Variants in BICD1 observed in about 807,000 individuals in gnomAD.
BICD1 encodes the protein protein bicaudal D homolog 1.
Under a neutral mutation model 92.5 loss-of-function variants are expected in BICD1, and 35 were observed. The observed-to-expected ratio is 0.38, with a 90% CI of 0.29 to 0.50. The LOEUF is 0.50. BICD1 is among the 20% of genes least tolerant of loss of function. The pLI is 0.93. For missense variants in BICD1, 950 were observed against 1,189.8 expected, an observed-to-expected ratio of 0.80 and a Z score of 2.97; for synonymous variants, 429 against 465.1, an observed-to-expected ratio of 0.92 and a Z score of 1.00.
At chr12:32,182,886 CTTTCTTTTTT>C (rs1289840578) in intron 1 of BICD1, among the ~76,000 whole-genome samples, 1 of 80,418 alleles carries the variant, frequency 1.2e-5, no homozygotes, top group African/African-American at 4.9e-5. Context: ...TCTTTTCTTT[CTTTCTTTTTT>C]TTTTTTTTTT....
chr12:32,198,384 C>A (rs1219695352), intron 1 of BICD1, among the ~76,000 whole-genome samples: 1 of 124,306 alleles, frequency 8.0e-6, no homozygotes, highest in African/African-American at 3.0e-5. Flanking sequence ...TAATGAAGAA[C>A]CTGAAAGTCC....
At chr12:32,146,110 T>C (rs1943093273) in intron 1 of BICD1, among the ~76,000 whole-genome samples, 2 of 152,214 alleles carry the variant, frequency 1.3e-5, no homozygotes, top group South Asian at 4.1e-4. Context: ...CAGAACCCAA[T>C]TATTCTTCCC....
intron 2 of BICD1, among the ~76,000 whole-genome samples, chr12:32,270,025 G>A (rs1471644750): frequency 1.3e-5 from 2 of 151,522 alleles, no homozygotes; most frequent in Non-Finnish European, 2.9e-5. Flanking sequence ...GGGAGGCCGA[G>A]GCAGGAGAAT....
chr12:32,349,849 C>T (rs184490805), intron 8 of BICD1, among the ~76,000 whole-genome samples: 142 of 152,148 alleles, frequency 9.3e-4, no homozygotes, highest in Non-Finnish European at 1.7e-3. Flanking sequence ...TGACAACGTG[C>T]CAACACTTTG....
intron 1 of BICD1, among the ~76,000 whole-genome samples, chr12:32,191,939 C>A (rs1381530988): frequency 6.6e-6 from 1 of 151,862 alleles, no homozygotes; most frequent in Admixed American, 6.6e-5. Context: ...CAATTAATAA[C>A]CCTATAATGG....
chr12:32,214,832 C>G (rs753071300), intron 1 of BICD1, among the ~76,000 whole-genome samples: 1 of 151,928 alleles, frequency 6.6e-6, no homozygotes, highest in Non-Finnish European at 1.5e-5. Context: ...TCTTTTGTTA[C>G]TGTTCGTGTT....
Position 32,378,599 on chromosome 12 carries a change from C to G in BICD1, c.*972C>G, listed in dbSNP as rs537974193. ...TCCCAAAATCAGGGTCCTACTGAGT[C>G]TTTCCTGATAAAAGGTATCAAGTAC... On this transcript the variant is annotated 3_prime_UTR_variant, in exon 10 of 10. Transcript: ENST00000652176. The G allele has an allele frequency of 1.8e-4, 27 of 152,216 alleles. 1 individual carries two copies. The East Asian group carries it at 5.2e-3, about 29-fold the overall frequency. The allele number at this position is 152,216 out of a possible 1,614,324, so 9.4% of individuals were successfully genotyped here. A position where few individuals can be genotyped will look rare whatever the true frequency, so the allele number is the denominator to read the frequency against.
chr12:32,279,332 A>G (rs1019783022), intron 2 of BICD1, among the ~76,000 whole-genome samples: 2 of 152,234 alleles, frequency 1.3e-5, no homozygotes, highest in Non-Finnish European at 1.5e-5. Context: ...TGACAATATT[A>G]AAAATCATTC....
intron 1 of BICD1, among the ~76,000 whole-genome samples, chr12:32,208,805 T>C (rs1945132889): frequency 6.6e-6 from 1 of 152,072 alleles, no homozygotes; most frequent in Non-Finnish European, 1.5e-5. Flanking sequence ...TCATTTGGGC[T>C]CAGTGTTTTC....
At chr12:32,177,652 A>G (rs970186620) in intron 1 of BICD1, among the ~76,000 whole-genome samples, 1 of 143,254 alleles carries the variant, frequency 7.0e-6, no homozygotes, top group African/African-American at 2.7e-5. Flanking sequence ...TTGAGTTTAC[A>G]AAAAAAGGAA....
intron 3 of BICD1, among the ~76,000 whole-genome samples, chr12:32,304,964 G>A (rs1327714184): frequency 1.3e-5 from 2 of 152,220 alleles, no homozygotes; most frequent in South Asian, 2.1e-4. Flanking sequence ...TGAGGCTGCA[G>A]TGAGCCATGA....
At chr12:32,223,193 A>G (rs1016669190) in intron 2 of BICD1, among the ~76,000 whole-genome samples, 5 of 152,164 alleles carry the variant, frequency 3.3e-5, no homozygotes, top group African/African-American at 4.8e-5. Flanking sequence ...TTTCTTTTGC[A>G]GCATTCTCAC....
intron 1 of BICD1, among the ~76,000 whole-genome samples, chr12:32,142,416 AAAAAAAAAAAAAAAAC>A (rs1350062758): frequency 1.9e-3 from 92 of 48,852 alleles, no homozygotes; most frequent in Non-Finnish European, 2.1e-3. Flanking sequence ...AAAAAAAAAA[AAAAAAAAAAAAAAAAC>A]AAAAAACCCC....
At chr12:32,198,326 C>A (rs2594007) in intron 1 of BICD1, among the ~76,000 whole-genome samples, 81,781 of 108,744 alleles carry the variant, frequency 0.75, 29,976 homozygotes, top group Non-Finnish European at 0.83. Flanking sequence ...TAATATGCAT[C>A]TATCTATATA....
At chr12:32,118,969 C>T (rs1156996572) in intron 1 of BICD1, among the ~76,000 whole-genome samples, 1 of 152,168 alleles carries the variant, frequency 6.6e-6, no homozygotes, top group Non-Finnish European at 1.5e-5. Flanking sequence ...CGAACATCCA[C>T]ACATATTTCA....
chr12:32,338,618 T>A lies in BICD1; in HGVS notation c.2571-168T>A, dbSNP rs117807288. 2,180 of 569,756 alleles carry A rather than the reference T, an allele frequency of 3.8e-3. 9 individuals carry two copies. The highest frequency in any genetic ancestry group is 5.1e-3 in the Non-Finnish European group (1,765 of 344,800). The allele number at this position is 569,756 out of a possible 1,614,324, so 35.3% of individuals were successfully genotyped here. A position where few individuals can be genotyped will look rare whatever the true frequency, so the allele number is the denominator to read the frequency against. On this transcript the variant is annotated intron_variant, in intron 7 of 9. Coordinates refer to ENST00000652176, the MANE Select transcript of BICD1 (RefSeq NM_001714.4). ...TATCCAGAACAGTTTCCAAATAGGG[T>A]TGTATCCTGATGTGGAAACTAAAAA... is the stretch of plus-strand genomic sequence containing the variant.
rs1185628924 is a variant in BICD1 at position 32,374,910 on chromosome 12, C to CTTTTTTTTTTTTTTT, written c.2841-2618_2841-2604dup. Among the ~76,000 whole-genome samples, 4 of 49,604 alleles carry CTTTTTTTTTTTTTTT rather than the reference C, an allele frequency of 8.1e-5. 1 individual carries two copies. The highest frequency in any genetic ancestry group is 1.4e-4 in the Non-Finnish European group (4 of 29,188). 32.5% of individuals were successfully genotyped at this position (49,604 alleles called of 152,430 possible). Reference sequence around the variant, plus strand: ...CCTAAGATTTTCTTCATTTATTTTCCTTTTTTTTTTTTTTTTTTTTTTTTT... The same window carrying CTTTTTTTTTTTTTTT: ...CCTAAGATTTTCTTCATTTATTTTCCTTTTTTTTTTTTTTTTTTTTTTTTTTTTTTTTTTTTTTTT... On this transcript the variant is annotated intron_variant, in intron 9 of 9. Coordinates refer to ENST00000652176, the MANE Select transcript of BICD1 (RefSeq NM_001714.4).
At chr12:32,197,558 A>AT (rs1008074374) in intron 1 of BICD1, among the ~76,000 whole-genome samples, 4 of 152,218 alleles carry the variant, frequency 2.6e-5, no homozygotes, top group Non-Finnish European at 5.9e-5. Context: ...TGACAAAGTA[A>AT]TTTTGGCTCT....
At chr12:32,341,614 G>T (rs1938370371) in intron 8 of BICD1, among the ~76,000 whole-genome samples, 1 of 152,136 alleles carries the variant, frequency 6.6e-6, no homozygotes, top group African/African-American at 2.4e-5. Context: ...AGGAAAGGAA[G>T]TAAAGCTGTT....
Sources: gnomAD v4.1 joint callset for allele counts (sites outside exome capture counted in the v4.1 genomes callset) on GRCh38, gnomAD v4.1.1 for gene constraint, MANE v1.5 for transcripts, NCBI Gene and HGNC (gene_info 2026-07-23, HGNC 2026-07-21) for gene names.